DPH6: variants seen among roughly 807,000 people sequenced by gnomAD.
DPH6 encodes the protein diphthamine biosynthesis 6, also known as diphthine--ammonia ligase.
A neutral mutation model predicts 38.2 loss-of-function variants in DPH6; 33 were observed. That is an observed-to-expected ratio of 0.86 (90% CI 0.65 to 1.15). DPH6 has a LOEUF of 1.15. Among genes scored for constraint, DPH6 ranks in the 50% most tolerant of loss-of-function variants. The pLI, the probability that DPH6 is intolerant of heterozygous loss-of-function variation, is 0.00. For missense variants in DPH6, 325 were observed against 320.0 expected, an observed-to-expected ratio of 1.02 and a Z score of -0.12; for synonymous variants, 108 against 103.0, an observed-to-expected ratio of 1.05 and a Z score of -0.30.
intron 6 of DPH6, among the ~76,000 whole-genome samples, chr15:35,403,336 ATAG>A (rs2053246757): frequency 6.6e-6 from 1 of 152,050 alleles, no homozygotes; most frequent in African/African-American, 2.4e-5. Context: ...TTATGGGTAC[ATAG>A]TAGGTATATA....
the DPH6 span, among the ~76,000 whole-genome samples, chr15:35,171,096 C>G: frequency 6.6e-6 from 1 of 152,220 alleles, no homozygotes; most frequent in Non-Finnish European, 1.5e-5. Context: ...AGGTGACATT[C>G]ATTGTAAAGA....
chr15:35,517,569 AT>A (rs1418911711), intron 3 of DPH6, among the ~76,000 whole-genome samples: 1 of 152,046 alleles, frequency 6.6e-6, no homozygotes, highest in Non-Finnish European at 1.5e-5. Context: ...GTACCTTTTC[AT>A]TTTATCAGCT....
At chr15:35,537,224 G>A (rs2055182935) in intron 3 of DPH6, among the ~76,000 whole-genome samples, 1 of 152,104 alleles carries the variant, frequency 6.6e-6, no homozygotes, top group Admixed American at 6.6e-5. Context: ...TTTCATGACA[G>A]AAGTTCATGA....
At chr15:35,387,646 C>T (rs912789621) in intron 6 of DPH6, among the ~76,000 whole-genome samples, 1 of 152,068 alleles carries the variant, frequency 6.6e-6, no homozygotes, top group African/African-American at 2.4e-5. Context: ...CTCTGTTTGT[C>T]TGTTATTGGT....
chr15:35,408,175 G>A (rs1443145819), intron 6 of DPH6, among the ~76,000 whole-genome samples: 3 of 151,934 alleles, frequency 2.0e-5, no homozygotes, highest in Non-Finnish European at 4.4e-5. Context: ...GATATAGCAG[G>A]TGAGGGAAAG....
In DPH6 at chr15:35,542,965, T is replaced by TATATATATATATATATATATATATA. The variant is rs58422347; in HGVS notation, c.24-459_24-458insTATATATATATATATATATATATAT. On this transcript the variant is annotated intron_variant, in intron 1 of 8. Coordinates refer to ENST00000256538, the MANE Select transcript of DPH6 (RefSeq NM_080650.4). The stretch of plus-strand genomic sequence containing the variant: ...TAAGGAATATATATATATATATATA[T>TATATATATATATATATATATATATA]AAAATAATTTCATAGAAATTATTGG... Among the ~76,000 whole-genome samples the TATATATATATATATATATATATATA allele has an allele frequency of 3.2e-4, 24 of 76,158 alleles. 1 individual carries two copies. In the East Asian group the frequency reaches 3.6e-3, roughly 12 times the overall value. The allele number at this position is 76,158 out of a possible 152,430, so 50.0% of individuals were successfully genotyped here. A position where few individuals can be genotyped will look rare whatever the true frequency, so the allele number is the denominator to read the frequency against.
At chr15:35,470,545 T>C (rs1387539097) in intron 3 of DPH6, among the ~76,000 whole-genome samples, 1 of 152,126 alleles carries the variant, frequency 6.6e-6, no homozygotes, top group Non-Finnish European at 1.5e-5. Context: ...GTGCAATTGC[T>C]AGAAAAGAAC....
At chr15:35,522,011 A>C in intron 3 of DPH6, 1 of 1,515,112 alleles carries the variant, frequency 6.6e-7, no homozygotes, top group Non-Finnish European at 8.8e-7. Context: ...AGAATGAAAA[A>C]CAGGGACAGA....
chr15:35,542,572 T>C, intron 1 of DPH6, 65 bp from the exon 2 acceptor site: 4 of 1,388,832 alleles, frequency 2.9e-6, no homozygotes, highest in Non-Finnish European at 4.0e-6. Flanking sequence ...ATAAAATCAC[T>C]AGATATCAAA....
chr15:35,246,359 C>A (rs550665527), intron 3 of DPH6, among the ~76,000 whole-genome samples: 2 of 152,304 alleles, frequency 1.3e-5, no homozygotes, highest in East Asian at 3.9e-4. Context: ...CTGCTTCAAA[C>A]AATCTTTTGT....
At chr15:35,308,895 G>A (rs2052116317) in intron 3 of DPH6, among the ~76,000 whole-genome samples, 2 of 152,188 alleles carry the variant, frequency 1.3e-5, no homozygotes, top group Non-Finnish European at 2.9e-5. Flanking sequence ...GACATTCAAA[G>A]TACATTATTG....
intron 3 of DPH6, among the ~76,000 whole-genome samples, chr15:35,494,137 C>T (rs1179720764): frequency 6.6e-6 from 1 of 152,042 alleles, no homozygotes; most frequent in Non-Finnish European, 1.5e-5. Context: ...GCTGTGTTAA[C>T]ACATGTAAAT....
intron 3 of DPH6, among the ~76,000 whole-genome samples, chr15:35,534,333 T>C (rs1227233642): frequency 1.4e-5 from 2 of 144,486 alleles, no homozygotes; most frequent in Admixed American, 7.1e-5. Context: ...GCCAAGATTG[T>C]GCCATTGCTC....
At chr15:35,224,188 C>A (rs1031374203) in intron 3 of DPH6, among the ~76,000 whole-genome samples, 2 of 144,012 alleles carry the variant, frequency 1.4e-5, no homozygotes, top group Admixed American at 1.5e-4. Context: ...CTCACTGCAA[C>A]CTCCACCTCC....
chr15:35,154,830 A>T, the DPH6 span, among the ~76,000 whole-genome samples: 2 of 152,224 alleles, frequency 1.3e-5, no homozygotes, highest in Non-Finnish European at 2.9e-5. Flanking sequence ...CACCGCCATA[A>T]GATATCATGC....
the DPH6 span, among the ~76,000 whole-genome samples, chr15:35,149,540 T>G: frequency 6.6e-6 from 1 of 152,164 alleles, no homozygotes; most frequent in Non-Finnish European, 1.5e-5. Flanking sequence ...CCTGGCCCAC[T>G]AAGTCTTCTT....
Position 35,543,543 on chromosome 15 carries a change from C to T in DPH6, c.24-1036G>A, listed in dbSNP as rs549211460. On this transcript the variant is annotated intron_variant, in intron 1 of 8. Transcript: ENST00000256538. ...TACATTTCTTTTTCCTCCTGTTTCC[C>T]TTCTTTCCAATATTTGCTTAAGGCC... Among the ~76,000 whole-genome samples, 11 of 151,952 alleles carry T rather than the reference C, an allele frequency of 7.2e-5. No homozygotes were observed. The East Asian group carries it at 1.5e-3, about 21-fold the overall frequency.
chr15:35,344,607 T>TA (rs949872481), intron 3 of DPH6, among the ~76,000 whole-genome samples: 1 of 151,776 alleles, frequency 6.6e-6, no homozygotes, highest in Non-Finnish European at 1.5e-5. Flanking sequence ...TAAAATTGAA[T>TA]AAAAAAAGAG....
intron 3 of DPH6, among the ~76,000 whole-genome samples, chr15:35,361,186 G>C (rs1454850435): frequency 6.6e-6 from 1 of 152,196 alleles, no homozygotes; most frequent in African/African-American, 2.4e-5. Context: ...TGGGGCATAG[G>C]CTAGTCTTCT....
Sources: allele counts gnomAD v4.1 joint callset (sites outside exome capture counted in the v4.1 genomes callset), GRCh38; gene constraint gnomAD v4.1.1; transcripts MANE v1.5; gene names NCBI Gene and HGNC (gene_info 2026-07-23, HGNC 2026-07-21).